DNMT3A: variants seen among roughly 807,000 people sequenced by gnomAD.
DNMT3A encodes the protein DNA methyltransferase 3 alpha.
Under a neutral mutation model 117.6 loss-of-function variants are expected in DNMT3A, and 267 were observed. The ratio of observed to expected loss-of-function variants is 2.27; its 90% CI spans 2.05 to 2.51. The LOEUF (loss-of-function observed/expected upper bound fraction) is 2.51. Ranked by LOEUF, DNMT3A falls within the 30% of genes most tolerant of loss-of-function variation. The pLI is 0.00. For synonymous variants in DNMT3A, 432 were observed against 474.8 expected, an observed-to-expected ratio of 0.91 and a Z score of 1.17; for missense variants, 1,029 against 1,260.2, an observed-to-expected ratio of 0.82 and a Z score of 2.78.
chr2:25,331,516 C>A (rs2035012015), intron 1 of DNMT3A, among the ~76,000 whole-genome samples: 1 of 152,226 alleles, frequency 6.6e-6, no homozygotes, highest in African/African-American at 2.4e-5. Flanking sequence ...TTCCAGCCCA[C>A]CCAAAGATTC....
chr2:25,333,044 A>T (rs2035073692), intron 1 of DNMT3A, among the ~76,000 whole-genome samples: 1 of 152,260 alleles, frequency 6.6e-6, no homozygotes, highest in Non-Finnish European at 1.5e-5. Context: ...GGGACTCTGA[A>T]GAGATCAAAA....
At chr2:25,264,964 T>C (rs1181080451) in intron 6 of DNMT3A, among the ~76,000 whole-genome samples, 2 of 152,226 alleles carry the variant, frequency 1.3e-5, no homozygotes, top group Non-Finnish European at 2.9e-5. Context: ...ATCTCATCTA[T>C]TTCTGTCGCA....
In DNMT3A at chr2:25,244,701, C is replaced by T. The variant is rs202064845; in HGVS notation, c.1555-49G>A. The T allele has an allele frequency of 7.4e-5, 115 of 1,543,962 alleles. No individual in the cohort carries two copies. In the East Asian group the frequency reaches 1.5e-3, roughly 20 times the overall value. ...GAAACCACCAGGACGGGTCCCAGGACGGCCAGGACGAAGGGAGGCTCCACA... is the reference window on the plus strand; with the variant it reads ...GAAACCACCAGGACGGGTCCCAGGATGGCCAGGACGAAGGGAGGCTCCACA... On this transcript the variant is annotated intron_variant, in intron 13 of 22. Transcript: ENST00000321117.
At position 25,295,845 on chromosome 2, in the gene DNMT3A, A is replaced by G. The variant is rs1055894682; in HGVS notation, c.177+4294T>C. Among the ~76,000 whole-genome samples, 49 of 152,260 alleles carry G rather than the reference A, an allele frequency of 3.2e-4. 2 individuals are homozygous for G. The highest frequency in any genetic ancestry group is 4.7e-4 in the Non-Finnish European group (32 of 68,046). ...GCCTTTGTAGGCAGTAACATGCTGC[A>G]TAACCATGAGCCTTTACTGCTGGTC... is the stretch of plus-strand genomic sequence containing the variant. On this transcript the variant is annotated intron_variant, in intron 3 of 22. Coordinates refer to ENST00000321117, the MANE Select transcript of DNMT3A (RefSeq NM_022552.5).
chr2:25,332,879 C>T (rs1385940128), intron 1 of DNMT3A, among the ~76,000 whole-genome samples: 5 of 152,220 alleles, frequency 3.3e-5, no homozygotes, highest in African/African-American at 9.6e-5. Flanking sequence ...GCTGCCAGGC[C>T]GGGCTGTGGT....
chr2:25,314,426 T>TGCCTCC, intron 1 of DNMT3A: 3 of 985,362 alleles, frequency 3.0e-6, no homozygotes, highest in Non-Finnish European at 2.4e-6. Flanking sequence ...GACCTCCAGC[T>TGCCTCC]GCCTCCGCCT....
chr2:25,244,947 C>T (rs1674561249), intron 13 of DNMT3A, among the ~76,000 whole-genome samples: 1 of 152,218 alleles, frequency 6.6e-6, no homozygotes, highest in Non-Finnish European at 1.5e-5. Context: ...CCCCAGGGCA[C>T]GGCAACCCTG....
rs555760713 is a variant in DNMT3A at position 25,328,714 on chromosome 2, C to A, written c.-178+13112G>T. ...TGCTGCGGTGCCTAGAGCGACCCCC[C>A]ACAATCCCCATTCTAGGGGTCGCTT... On this transcript the variant is annotated intron_variant, in intron 1 of 22. Transcript: ENST00000321117. 33 of 511,878 alleles carry A rather than the reference C, an allele frequency of 6.4e-5. No individual in the cohort carries two copies. The Middle Eastern group carries it at 2.0e-3, about 31-fold the overall frequency. The allele number at this position is 511,878 out of a possible 1,614,324, so 31.7% of individuals were successfully genotyped here.
intron 20 of DNMT3A, 114 bp downstream of exon 20, chr2:25,239,016 A>G: frequency 1.3e-6 from 1 of 770,504 alleles, no homozygotes; most frequent in Non-Finnish European, 2.1e-6. Context: ...CAGAGCAGCT[A>G]GTCATTCAGC....
intron 20 of DNMT3A, 36 bp downstream of exon 20, chr2:25,239,093 AG>A: frequency 6.2e-7 from 1 of 1,601,142 alleles, no homozygotes; most frequent in Non-Finnish European, 8.5e-7. Flanking sequence ...CTGCAGTCCC[AG>A]CCCACAGCCC....
intron 1 of DNMT3A, among the ~76,000 whole-genome samples, chr2:25,316,665 C>T (rs904887783): frequency 1.1e-4 from 17 of 152,176 alleles, no homozygotes; most frequent in African/African-American, 4.1e-4. Flanking sequence ...TCTCCTGGGC[C>T]CACAGTCCCA....
chr2:25,332,382 C>T (rs2035046861), intron 1 of DNMT3A, among the ~76,000 whole-genome samples: 2 of 152,208 alleles, frequency 1.3e-5, no homozygotes, highest in African/African-American at 4.8e-5. Context: ...CCCCCTGAAT[C>T]CGACTTCCTT....
chr2:25,250,313 T>C (rs1223277164), intron 6 of DNMT3A, among the ~76,000 whole-genome samples: 5 of 152,238 alleles, frequency 3.3e-5, no homozygotes, highest in South Asian at 2.1e-4. Flanking sequence ...CTGTTTCTTA[T>C]GGCGATTCCG....
intron 16 of DNMT3A, among the ~76,000 whole-genome samples, chr2:25,242,375 A>T (rs1230516876): frequency 2.0e-5 from 3 of 152,148 alleles, no homozygotes; most frequent in African/African-American, 7.2e-5. Context: ...AGGCAAGGAA[A>T]CAATCAGAGC....
At chr2:25,239,290 G>A in intron 19 of DNMT3A, 75 bp from the exon 20 acceptor site, 4 of 1,331,360 alleles carry the variant, frequency 3.0e-6, no homozygotes, top group Admixed American at 1.9e-5. Context: ...CTGGGGTCGA[G>A]CCTTAAAGCC....
At position 25,246,265 on chromosome 2, in the gene DNMT3A, C is replaced by G. The variant is rs1205125035; in HGVS notation, c.1324G>C (p.Glu442Gln). ...YKEVYTDMWV[E>Q]PEAAAYAPPP... ...GGTGCGTAGGCAGCTGCCTCAGGTT[C>G]CACCCACATGTCCGTGTACACTTCT... The change falls in exon 11 of 23, where the codon GAA (glutamate) becomes CAA (glutamine). Residue 442 changes from glutamate to glutamine, a missense_variant. Physicochemically the swap from Glu to Gln is conservative, Grantham distance 29. Coordinates refer to ENST00000321117, the MANE Select transcript of DNMT3A (RefSeq NM_022552.5). The G allele has an allele frequency of 3.7e-6, 6 of 1,613,878 alleles. No homozygotes were observed. In the South Asian group the frequency reaches 4.4e-5, roughly 12 times the overall value.
At chr2:25,328,931 C>A (rs183370068) in intron 1 of DNMT3A, among the ~76,000 whole-genome samples, 1 of 152,148 alleles carries the variant, frequency 6.6e-6, no homozygotes, top group Non-Finnish European at 1.5e-5. Flanking sequence ...CTGTGACCAC[C>A]CTCTCCCCAC....
intron 1 of DNMT3A, among the ~76,000 whole-genome samples, chr2:25,315,992 C>A (rs2034362159): frequency 6.6e-6 from 1 of 152,234 alleles, no homozygotes; most frequent in African/African-American, 2.4e-5. Flanking sequence ...GGAGGCTTCC[C>A]CGGCCCTCAG....
At chr2:25,333,682 T>C (rs1344456431) in intron 1 of DNMT3A, among the ~76,000 whole-genome samples, 1 of 152,128 alleles carries the variant, frequency 6.6e-6, no homozygotes, top group African/African-American at 2.4e-5. Flanking sequence ...CAGGGCTTTG[T>C]GGGGGTCACC....
Sources: allele counts gnomAD v4.1 joint callset (sites outside exome capture counted in the v4.1 genomes callset), GRCh38; gene constraint gnomAD v4.1.1; transcripts MANE v1.5; gene names NCBI Gene and HGNC (gene_info 2026-07-23, HGNC 2026-07-21).